The following PREX1 variants were observed in gnomAD, a reference collection of about 807,000 sequenced individuals.
The protein encoded by PREX1 is phosphatidylinositol-3,4,5-trisphosphate dependent Rac exchange factor 1.
In PREX1, 41 loss-of-function variants were observed where a neutral mutation model predicts 198.3. The ratio of observed to expected loss-of-function variants is 0.21; its 90% CI spans 0.16 to 0.27. The LOEUF (loss-of-function observed/expected upper bound fraction) is 0.27, where lower values mean the gene tolerates loss of function less well. Ranked by LOEUF, PREX1 falls within the 10% of genes least tolerant of loss-of-function variation. The pLI is 1.00. For missense variants in PREX1, 1,620 were observed against 2,200.7 expected (o/e 0.74, Z 5.28); for synonymous variants, 843 against 887.2 (o/e 0.95, Z 0.89).
intron 1 of PREX1, among the ~76,000 whole-genome samples, chr20:48,800,162 C>A (rs775729228): frequency 6.6e-6 from 1 of 152,196 alleles, no homozygotes; most frequent in African/African-American, 2.4e-5. Context: ...AATCACCCCA[C>A]GTTTTACAAG....
intron 6 of PREX1, among the ~76,000 whole-genome samples, chr20:48,703,304 G>C (rs763112052): frequency 6.6e-6 from 1 of 152,376 alleles, no homozygotes; most frequent in African/African-American, 2.4e-5. Flanking sequence ...CTGTGCAGCC[G>C]GGACAGGAGC....
At chr20:48,661,411 C>T (rs1371031620) in intron 15 of PREX1, among the ~76,000 whole-genome samples, 2 of 38,836 alleles carry the variant, frequency 5.1e-5, no homozygotes, top group African/African-American at 2.6e-4. Flanking sequence ...AAGAGCAAAA[C>T]TCCATCTCAA....
Position 48,827,581 on chromosome 20 carries a change from G to T in PREX1, c.219+61C>A. On this transcript the variant is annotated intron_variant, in intron 1 of 39. Transcript: ENST00000371941. The surrounding 1 kb of genome is among the most constrained non-coding windows in gnomAD (Gnocchi z 4.1). ...GGGGACCACGGCCACAGGTTGTGGG[G>T]ACCGCAGCGGGGCGAGCGGCTGGAG... 1 of 1,148,888 alleles carries T rather than the reference G, an allele frequency of 8.7e-7. No individual in the cohort carries two copies. The highest frequency in any genetic ancestry group is 4.0e-5 in the South Asian group (1 of 24,810). The allele number at this position is 1,148,888 out of a possible 1,614,324, so 71.2% of individuals were successfully genotyped here. A position where few individuals can be genotyped will look rare whatever the true frequency, so the allele number is the denominator to read the frequency against.
intron 37 of PREX1, among the ~76,000 whole-genome samples, chr20:48,628,478 A>G (rs2089290130): frequency 1.3e-5 from 2 of 152,070 alleles, no homozygotes; most frequent in African/African-American, 4.8e-5. Context: ...TCCCTATACT[A>G]TTAACTATGA....
At chr20:48,783,066 C>T (rs13041208) in intron 1 of PREX1, among the ~76,000 whole-genome samples, 10 of 152,190 alleles carry the variant, frequency 6.6e-5, no homozygotes, top group Non-Finnish European at 1.3e-4. Context: ...TCACCAGCTG[C>T]GTGACCTTGG....
chr20:48,747,668 G>C, intron 2 of PREX1, 141 bp downstream of exon 2: 1 of 891,794 alleles, frequency 1.1e-6, no homozygotes, highest in Non-Finnish European at 1.7e-6. Flanking sequence ...GAGCAAGCTG[G>C]GGCAGGGCAA....
chr20:48,792,001 C>T (rs1025587188), intron 1 of PREX1, among the ~76,000 whole-genome samples: 1 of 152,164 alleles, frequency 6.6e-6, no homozygotes, highest in South Asian at 2.1e-4. Flanking sequence ...CTCCAGAAGG[C>T]ACAGATTGGG....
chr20:48,841,537 T>C, the PREX1 span, among the ~76,000 whole-genome samples: 1 of 152,228 alleles, frequency 6.6e-6, no homozygotes, highest in Non-Finnish European at 1.5e-5. Flanking sequence ...AGCTACTTGG[T>C]AAACGCTTGT....
chr20:48,737,511 GA>G (rs1214410044), intron 3 of PREX1, among the ~76,000 whole-genome samples: 3 of 152,306 alleles, frequency 2.0e-5, no homozygotes, highest in African/African-American at 7.2e-5. Flanking sequence ...TTTGATGAAT[GA>G]AAGGAAGAAA....
At chr20:48,744,441 T>C (rs1414819841) in intron 3 of PREX1, among the ~76,000 whole-genome samples, 1 of 152,198 alleles carries the variant, frequency 6.6e-6, no homozygotes, top group Non-Finnish European at 1.5e-5. Context: ...TTCTTCTGTC[T>C]GTGAGGGGGG....
intron 10 of PREX1, among the ~76,000 whole-genome samples, chr20:48,687,634 G>A (rs1169933822): frequency 1.3e-5 from 2 of 152,180 alleles, no homozygotes; most frequent in South Asian, 2.1e-4. Context: ...CCGCATTGCC[G>A]GCAAACCTCT....
At chr20:48,832,112 GAAA>G (rs919734562), upstream of PREX1, among the ~76,000 whole-genome samples, 2 of 126,414 alleles carry the variant, frequency 1.6e-5, no homozygotes, top group Admixed American at 1.6e-4. Context: ...GGAGGAAGAA[GAAA>G]AAAAAAAAAT....
intron 33 of PREX1, 67 bp from the exon 34 acceptor site, chr20:48,632,706 C>T: frequency 1.3e-6 from 2 of 1,564,610 alleles, no homozygotes; most frequent in South Asian, 1.1e-5. Flanking sequence ...CCTGGCACAC[C>T]TCTCCAGAAC....
chr20:48,650,767 A>T, intron 23 of PREX1, 127 bp downstream of exon 23: 1 of 1,225,396 alleles, frequency 8.2e-7, no homozygotes, highest in East Asian at 2.5e-5. Flanking sequence ...AGTAATACAC[A>T]CCATACATTC....
chr20:48,750,804 A>G (rs1021426471), intron 1 of PREX1, among the ~76,000 whole-genome samples: 5 of 152,200 alleles, frequency 3.3e-5, no homozygotes, highest in African/African-American at 1.2e-4. Context: ...AGCAGGGATC[A>G]TGGCTGGGAT....
At chr20:48,785,897 A>T (rs1044277166) in intron 1 of PREX1, among the ~76,000 whole-genome samples, 3 of 152,228 alleles carry the variant, frequency 2.0e-5, no homozygotes, top group African/African-American at 7.2e-5. Context: ...GCTTACCTCT[A>T]GCAAAGGGAG....
At chr20:48,745,688 C>T (rs1438959110) in intron 2 of PREX1, among the ~76,000 whole-genome samples, 1 of 152,154 alleles carries the variant, frequency 6.6e-6, no homozygotes, top group Non-Finnish European at 1.5e-5. Context: ...TATGAGATAC[C>T]CTGTTTCCCC....
At chr20:48,819,342 A>G (rs1250821026) in intron 1 of PREX1, among the ~76,000 whole-genome samples, 1 of 152,040 alleles carries the variant, frequency 6.6e-6, no homozygotes, top group Non-Finnish European at 1.5e-5. Flanking sequence ...GGGCCTTTGC[A>G]TCTGCTGCTC....
Position 48,708,378 on chromosome 20 carries a change from G to A in PREX1, c.665C>T (p.Ala222Val), listed in dbSNP as rs375685234. The part of the protein sequence containing the change: ...RTPGKHPDHP[A>V]VQSALQAMKT... ...CATGGCCTGCAGGGCACTCTGGACCGCGGGGTGGTCTGGGTGCTTGCCGGG... is the reference window on the plus strand; with the variant it reads ...CATGGCCTGCAGGGCACTCTGGACCACGGGGTGGTCTGGGTGCTTGCCGGG... Residue 222 changes from alanine (A) to valine (V), a missense_variant, in exon 6 of 40, where the codon GCG becomes GTG. Ala to Val is a moderately conservative substitution (Grantham distance 64, BLOSUM62 0). Around this residue, in one of 7 missense-constraint regions of PREX1, gnomAD observed 488 missense variants for 802.5 expected, o/e 0.61. Transcript: ENST00000371941. The A allele has an allele frequency of 5.3e-5, 86 of 1,614,020 alleles. No individual in the cohort carries two copies. The highest frequency in any genetic ancestry group is 7.0e-5 in the Non-Finnish European group (83 of 1,180,036).
Sources: gnomAD v4.1 joint callset for allele counts (sites outside exome capture counted in the v4.1 genomes callset) on GRCh38, gnomAD v4.1.1 for gene constraint, gnomAD v4.1.1 regional missense constraint, Gnocchi (gnomAD v3.1) non-coding constraint, MANE v1.5 for transcripts, NCBI Gene and HGNC (gene_info 2026-07-23, HGNC 2026-07-21) for gene names.